SH3D19: variants seen among roughly 807,000 people sequenced by gnomAD.
SH3D19 encodes SH3 domain containing 19.
A neutral mutation model predicts 112.1 loss-of-function variants in SH3D19; 58 were observed. The ratio of observed to expected loss-of-function variants is 0.52; its 90% CI spans 0.42 to 0.64. SH3D19 has a LOEUF of 0.64. SH3D19 is among the 30% of genes least tolerant of loss of function. The pLI is 0.00. For synonymous variants in SH3D19, 391 were observed against 448.5 expected (o/e 0.87, Z 1.62); for missense variants, 1,090 against 1,263.4 (o/e 0.86, Z 2.08).
At chr4:151,277,029 A>G (rs927797348) in intron 1 of SH3D19, 4 of 495,356 alleles carry the variant, frequency 8.1e-6, no homozygotes, top group Non-Finnish European at 1.3e-5. Flanking sequence ...AGGATCTGGC[A>G]GCGGGTGAAG....
chr4:151,184,924 C>A (rs191458498), intron 3 of SH3D19, among the ~76,000 whole-genome samples: 160 of 151,958 alleles, frequency 1.1e-3, no homozygotes, highest in Non-Finnish European at 1.9e-3. Flanking sequence ...GTGCCAGACA[C>A]AATAACCTGT....
intron 1 of SH3D19, among the ~76,000 whole-genome samples, chr4:151,241,693 C>T (rs940578375): frequency 6.6e-6 from 1 of 151,782 alleles, no homozygotes; most frequent in Non-Finnish European, 1.5e-5. Flanking sequence ...CTGTGCCCAG[C>T]TAAATTGTAC....
At chr4:151,298,578 C>T (rs536024798) in intron 1 of SH3D19, among the ~76,000 whole-genome samples, 19 of 152,160 alleles carry the variant, frequency 1.2e-4, no homozygotes, top group African/African-American at 3.6e-4. Flanking sequence ...TATTAGATGT[C>T]GAAGTAAAGA....
chr4:151,303,346 T>C (rs563287093), intron 1 of SH3D19, among the ~76,000 whole-genome samples: 2 of 152,332 alleles, frequency 1.3e-5, no homozygotes, highest in African/African-American at 2.4e-5. Context: ...AGATTATCAA[T>C]CATTTCTTTT....
In SH3D19 at chr4:151,147,838, C is replaced by T. The variant is rs1754199830; in HGVS notation, c.2082+84G>A. 26 of 1,474,626 alleles carry T rather than the reference C, an allele frequency of 1.8e-5. 1 individual carries two copies. The highest frequency in any genetic ancestry group is 1.6e-4 in the African/African-American group (11 of 70,772). The allele number at this position is 1,474,626 out of a possible 1,614,324, so 91.3% of individuals were successfully genotyped here. A position where few individuals can be genotyped will look rare whatever the true frequency, so the allele number is the denominator to read the frequency against. On this transcript the variant is annotated intron_variant, in intron 11 of 19. Coordinates refer to ENST00000604030, the MANE Select transcript of SH3D19 (RefSeq NM_001378122.1). The stretch of plus-strand genomic sequence containing the variant: ...AGGGACAATTCCACATTTGTTCCAT[C>T]ATCTTTTTCTAAGGAATGATGAATC...
chr4:151,179,412 A>G lies in SH3D19; in HGVS notation c.194-15T>C, dbSNP rs1375245098. On this transcript the variant is annotated splice_polypyrimidine_tract_variant and intron_variant, in intron 3 of 19. Transcript: ENST00000604030. ...AGTCCGAGAAGCTGTTGAAGAAGGA[A>G]TAAACTGGTATAGTACAAAATTAGT... is the stretch of plus-strand genomic sequence containing the variant. 8.2e-7 allele frequency: 1 copy of G among 1,225,610 alleles called. No homozygotes were observed. The highest frequency in any genetic ancestry group is 1.0e-6 in the Non-Finnish European group (1 of 982,184). The allele number at this position is 1,225,610 out of a possible 1,614,324, so 75.9% of individuals were successfully genotyped here.
At position 151,216,367 on chromosome 4, in the gene SH3D19, A is replaced by G. The variant is rs866699223; in HGVS notation, c.152+9680T>C. Among the ~76,000 whole-genome samples, 5 of 152,368 alleles carry G rather than the reference A, an allele frequency of 3.3e-5. No individual in the cohort carries two copies. In the South Asian group the frequency reaches 1.0e-3, roughly 32 times the overall value. ...TAAAAATTTAAAGTCCACTTTCCCA[A>G]GGATATTTATTAGTTGGAGTAAAAC... On this transcript the variant is annotated intron_variant, in intron 2 of 19. Coordinates refer to ENST00000604030, the MANE Select transcript of SH3D19 (RefSeq NM_001378122.1).
intron 1 of SH3D19, among the ~76,000 whole-genome samples, chr4:151,311,860 G>C (rs1290454333): frequency 2.0e-5 from 3 of 152,096 alleles, no homozygotes; most frequent in African/African-American, 7.2e-5. Context: ...GAACCAGAGA[G>C]CAGAAGGGTG....
intron 8 of SH3D19, among the ~76,000 whole-genome samples, chr4:151,164,073 G>A (rs370698462): frequency 8.5e-5 from 13 of 152,166 alleles, no homozygotes; most frequent in South Asian, 8.3e-4. Flanking sequence ...TCAAAAAACT[G>A]AAACCAAGAT....
chr4:151,290,867 T>C (rs1775261617), intron 1 of SH3D19, among the ~76,000 whole-genome samples: 1 of 152,232 alleles, frequency 6.6e-6, no homozygotes, highest in African/African-American at 2.4e-5. Flanking sequence ...ATTAGTTTTA[T>C]TTCTCTTTTT....
rs372563460 is a variant in SH3D19 at position 151,226,622 on chromosome 4, T to A, written c.113-536A>T. 1.6e-4 allele frequency: 43 copies of A among 271,788 alleles called. No individual in the cohort carries two copies. In the South Asian group the frequency reaches 5.4e-3, roughly 34 times the overall value. The allele number at this position is 271,788 out of a possible 1,614,324, so 16.8% of individuals were successfully genotyped here. Reference sequence around the variant, plus strand: ...TCAATGTTTCTCCAGTAATTAGATATAATGTGCTCTCTATATAAAATTTTT... The same window carrying A: ...TCAATGTTTCTCCAGTAATTAGATAAAATGTGCTCTCTATATAAAATTTTT... On this transcript the variant is annotated intron_variant, in intron 1 of 19. Transcript: ENST00000604030.
chr4:151,177,536 A>G (rs921569533), intron 4 of SH3D19, among the ~76,000 whole-genome samples: 3 of 152,034 alleles, frequency 2.0e-5, no homozygotes, highest in African/African-American at 4.8e-5. Flanking sequence ...TTTAGTAGAG[A>G]TGGGGTTTCA....
rs557010276 is a variant in SH3D19, at chr4:151,205,041, G to A, written c.153-17578C>T. ...TCACCATGTTGGCCGGGCTGGTCTC[G>A]AACTCCTGACTTCAGGTGATCCACC... is the stretch of plus-strand genomic sequence containing the variant. On this transcript the variant is annotated intron_variant, in intron 2 of 19. Coordinates refer to ENST00000604030, the MANE Select transcript of SH3D19 (RefSeq NM_001378122.1). 3.3e-5 allele frequency among the ~76,000 whole-genome samples: 5 copies of A among 152,132 alleles called. No homozygotes were observed. The South Asian group carries it at 6.3e-4, about 19-fold the overall frequency.
At chr4:151,226,268 A>C (rs376648580) in intron 1 of SH3D19, 182 bp from the exon 2 acceptor site, 22 of 1,220,706 alleles carry the variant, frequency 1.8e-5, no homozygotes, top group Middle Eastern at 6.3e-4. Flanking sequence ...GACACAATGA[A>C]GGACAGGCAT....
chr4:151,176,418 G>T, intron 6 of SH3D19, 116 bp downstream of exon 6: 1 of 733,028 alleles, frequency 1.4e-6, no homozygotes. Flanking sequence ...ACACTGACTG[G>T]GCAGCAGAGC....
At chr4:151,279,199 AAAG>A (rs1424846954) in intron 1 of SH3D19, 3 of 265,744 alleles carry the variant, frequency 1.1e-5, no homozygotes, top group Non-Finnish European at 2.2e-5. Flanking sequence ...CACACTAGAG[AAAG>A]AAGAGAAAGA....
intron 8 of SH3D19, among the ~76,000 whole-genome samples, chr4:151,163,470 A>C (rs1757487455): frequency 6.6e-6 from 1 of 152,214 alleles, no homozygotes; most frequent in South Asian, 2.1e-4. Flanking sequence ...TCCAGAATAC[A>C]TTTAACAAAG....
At chr4:151,289,906 C>G (rs931111912) in intron 1 of SH3D19, among the ~76,000 whole-genome samples, 1 of 152,088 alleles carries the variant, frequency 6.6e-6, no homozygotes, top group African/African-American at 2.4e-5. Context: ...ACAGGGAGAC[C>G]CCATCTCTAA....
chr4:151,235,553 G>T (rs1223338436), intron 1 of SH3D19, among the ~76,000 whole-genome samples: 3 of 152,228 alleles, frequency 2.0e-5, no homozygotes, highest in Admixed American at 6.5e-5. Context: ...GGGAGGCCAA[G>T]GGAGGTGAAT....
Sources: gnomAD v4.1 joint callset for allele counts (sites outside exome capture counted in the v4.1 genomes callset) on GRCh38, gnomAD v4.1.1 for gene constraint, MANE v1.5 for transcripts, NCBI Gene and HGNC (gene_info 2026-07-23, HGNC 2026-07-21) for gene names.